Variants in CAMTA1 observed in about 807,000 individuals in gnomAD.
CAMTA1 encodes calmodulin binding transcription activator 1.
A neutral mutation model predicts 170.9 loss-of-function variants in CAMTA1; 27 were observed. The ratio of observed to expected loss-of-function variants is 0.16; its 90% CI spans 0.12 to 0.22. The LOEUF (loss-of-function observed/expected upper bound fraction) is 0.22. Ranked by LOEUF, CAMTA1 falls within the 10% of genes least tolerant of loss-of-function variation. The probability of loss-of-function intolerance (pLI) is 1.00; values close to 1 mark genes in which losing one functional copy is unlikely to be tolerated. For synonymous variants in CAMTA1, 833 were observed against 891.5 expected (o/e 0.93, Z 1.17); for missense variants, 1,619 against 2,217.2 (o/e 0.73, Z 5.42).
intron 11 of CAMTA1, among the ~76,000 whole-genome samples, chr1:7,695,441 T>A (rs538434004): frequency 9.5e-4 from 145 of 152,318 alleles, no homozygotes; most frequent in African/African-American, 3.2e-3. Context: ...TTATATTTGG[T>A]GAAACGCCCT....
intron 5 of CAMTA1, chr1:7,382,675 A>G (rs2087468404): frequency 6.6e-6 from 1 of 152,226 alleles, no homozygotes; most frequent in African/African-American, 2.4e-5. Flanking sequence ...AGATCCCTCC[A>G]ATGTGAAATG....
intron 3 of CAMTA1, among the ~76,000 whole-genome samples, chr1:6,919,449 A>G (rs1425086242): frequency 6.6e-6 from 1 of 152,218 alleles, no homozygotes; most frequent in African/African-American, 2.4e-5. Context: ...CTGACAAGCC[A>G]GGGCAAGTTT....
rs1328620650 is a variant in CAMTA1 at position 7,642,346 on chromosome 1, C to T, written c.664+1793C>T. Among the ~76,000 whole-genome samples, 1 of 152,176 alleles carries T rather than the reference C, an allele frequency of 6.6e-6. No homozygotes were observed. Among genetic ancestry groups the T allele is most frequent in the Non-Finnish European group, 1.5e-5 (1 of 68,032 alleles). On this transcript the variant is annotated intron_variant, in intron 7 of 22. Coordinates refer to ENST00000303635, the MANE Select transcript of CAMTA1 (RefSeq NM_015215.4). The surrounding 1 kb of genome is among the most constrained non-coding windows in gnomAD (Gnocchi z 6.3). ...CCCTGGAATGGTGGGGGGGAAGGGA[C>T]CTGCCCAGGGTCCTGAGCAGAGGAC...
In CAMTA1 at chr1:7,162,846, T is replaced by C. The variant is rs138347371; in HGVS notation, c.302+71475T>C. On this transcript the variant is annotated intron_variant, in intron 4 of 22. Transcript: ENST00000303635. Reference sequence around the variant, plus strand: ...ACATAGGGGTGGAATTGCTGAGCCATGTGGTGACTCCGTGGCTGATCTTTT... The same window carrying C: ...ACATAGGGGTGGAATTGCTGAGCCACGTGGTGACTCCGTGGCTGATCTTTT... Among the ~76,000 whole-genome samples, 72 of 152,286 alleles carry C rather than the reference T, an allele frequency of 4.7e-4. 1 individual carries two copies. Among genetic ancestry groups the C allele is most frequent in the African/African-American group, 1.6e-3 (67 of 41,556 alleles).
intron 4 of CAMTA1, among the ~76,000 whole-genome samples, chr1:7,228,504 C>A (rs778360632): frequency 2.6e-5 from 4 of 152,190 alleles, no homozygotes. Flanking sequence ...GGTCTCTGTT[C>A]CCAGCCCCAG....
intron 15 of CAMTA1, 35 bp downstream of exon 15, chr1:7,737,605 A>G: frequency 6.4e-7 from 1 of 1,553,972 alleles, no homozygotes; most frequent in Non-Finnish European, 8.7e-7. Context: ...TCAGAGCTTG[A>G]CAGAGATCCC....
In CAMTA1 at chr1:7,435,960, G is replaced by A. The variant is rs1160545595; in HGVS notation, c.439-31870G>A. 6.6e-6 allele frequency among the ~76,000 whole-genome samples: 1 copy of A among 152,164 alleles called. No individual in the cohort carries two copies. Among genetic ancestry groups the A allele is most frequent in the Admixed American group, 6.5e-5 (1 of 15,294 alleles). On this transcript the variant is annotated intron_variant, in intron 5 of 22. Coordinates refer to ENST00000303635, the MANE Select transcript of CAMTA1 (RefSeq NM_015215.4). The surrounding 1 kb of genome is among the most constrained non-coding windows in gnomAD (Gnocchi z 4.4). ...CACCTCAGGAGCAGAGGAGGGAGCT[G>A]GGAAGCTCCCCATGCCACCACCCTG...
chr1:6,807,209 A>G (rs1456935226), intron 1 of CAMTA1: 1 of 448,638 alleles, frequency 2.2e-6, no homozygotes, highest in African/African-American at 2.0e-5. Flanking sequence ...AGTTCCAGGT[A>G]ATTGGGTGAG....
chr1:7,448,396 G>A (rs1374790948), intron 5 of CAMTA1, among the ~76,000 whole-genome samples: 2 of 152,174 alleles, frequency 1.3e-5, no homozygotes, highest in Non-Finnish European at 2.9e-5. Context: ...TCTGCCTGGG[G>A]AGAACTGGTC....
intron 3 of CAMTA1, among the ~76,000 whole-genome samples, chr1:6,897,404 A>T (rs1309314331): frequency 1.3e-5 from 2 of 152,190 alleles, no homozygotes; most frequent in Non-Finnish European, 2.9e-5. Flanking sequence ...TTGGAAGTCC[A>T]TGTCAGTCAT....
intron 1 of CAMTA1, among the ~76,000 whole-genome samples, chr1:6,813,812 A>C (rs1645466528): frequency 6.6e-6 from 1 of 152,260 alleles, no homozygotes; most frequent in East Asian, 1.9e-4. Flanking sequence ...TCAGTGGCAC[A>C]GTACCAAGAC....
intron 3 of CAMTA1, among the ~76,000 whole-genome samples, chr1:6,924,864 T>G (rs1458453422): frequency 6.6e-6 from 1 of 152,240 alleles, no homozygotes; most frequent in Non-Finnish European, 1.5e-5. Context: ...AATAGTGATT[T>G]TGATGAACTC....
chr1:6,786,492 C>T (rs175823), intron 1 of CAMTA1, among the ~76,000 whole-genome samples: 44,586 of 152,028 alleles, frequency 0.29, 7,184 homozygotes, highest in East Asian at 0.63. Context: ...GCACACTCTC[C>T]GTTGACCCTT....
At chr1:7,386,182 A>G (rs1032023057) in intron 5 of CAMTA1, among the ~76,000 whole-genome samples, 2 of 152,214 alleles carry the variant, frequency 1.3e-5, no homozygotes, top group Non-Finnish European at 2.9e-5. Flanking sequence ...CCGTCTTTTC[A>G]TCTGGGACAA....
intron 4 of CAMTA1, among the ~76,000 whole-genome samples, chr1:7,135,678 C>T (rs1645499988): frequency 6.6e-6 from 1 of 152,146 alleles, no homozygotes; most frequent in African/African-American, 2.4e-5. Context: ...CCACCTGTTG[C>T]CTTTTCTCAT....
At position 7,635,435 on chromosome 1, in the gene CAMTA1, G is replaced by C. The variant is rs1022372574; in HGVS notation, c.511-4965G>C. ...ATCCTGGCTAACACGGTGAAACCCC[G>C]TCTCTACTAAAAAATACAAAACAAT... On this transcript the variant is annotated intron_variant, in intron 6 of 22. Transcript: ENST00000303635. This position sits in a 1 kb window ranked among gnomAD's most constrained non-coding sequence, Gnocchi z 4.4. Among the ~76,000 whole-genome samples the C allele has an allele frequency of 6.6e-6, 1 of 151,964 alleles. No homozygotes were observed. The highest frequency in any genetic ancestry group is 3.4e-3 in the Middle Eastern group (1 of 294).
chr1:7,612,335 C>T (rs2095529527), intron 6 of CAMTA1, among the ~76,000 whole-genome samples: 2 of 152,124 alleles, frequency 1.3e-5, no homozygotes, highest in African/African-American at 4.8e-5. Flanking sequence ...ATCTCCTCTC[C>T]AACTATCCCC....
chr1:7,399,527 T>C (rs147642188), intron 5 of CAMTA1, among the ~76,000 whole-genome samples: 1 of 152,252 alleles, frequency 6.6e-6, no homozygotes, highest in African/African-American at 2.4e-5. Flanking sequence ...ATCATTACAG[T>C]AATATAGTAT....
intron 6 of CAMTA1, among the ~76,000 whole-genome samples, chr1:7,560,272 C>G (rs956469344): frequency 6.6e-6 from 1 of 152,236 alleles, no homozygotes; most frequent in Non-Finnish European, 1.5e-5. Flanking sequence ...TCTGCAGGCC[C>G]CACTGCCCTT....
Sources: allele counts gnomAD v4.1 joint callset (sites outside exome capture counted in the v4.1 genomes callset), GRCh38; gene constraint gnomAD v4.1.1; non-coding constraint Gnocchi (gnomAD v3.1); transcripts MANE v1.5; gene names NCBI Gene and HGNC (gene_info 2026-07-23, HGNC 2026-07-21).